The following IGF2BP3 variants were observed in gnomAD, a reference collection of about 807,000 sequenced individuals.
IGF2BP3 encodes insulin like growth factor 2 mRNA binding protein 3, also known as insulin-like growth factor 2 mRNA-binding protein 3.
In IGF2BP3, 9 loss-of-function variants were observed where a neutral mutation model predicts 73.8. The observed-to-expected ratio is 0.12, with a 90% CI of 0.07 to 0.21. The LOEUF (loss-of-function observed/expected upper bound fraction) is 0.21. IGF2BP3 is among the 10% of genes least tolerant of loss of function. The pLI is 1.00. For missense variants in IGF2BP3, 542 were observed against 714.0 expected, an observed-to-expected ratio of 0.76 and a Z score of 2.75; for synonymous variants, 258 against 256.7, an observed-to-expected ratio of 1.01 and a Z score of -0.05.
At chr7:23,345,226 T>C (rs989286918) in intron 8 of IGF2BP3, among the ~76,000 whole-genome samples, 14 of 152,240 alleles carry the variant, frequency 9.2e-5, no homozygotes, top group African/African-American at 2.7e-4. Flanking sequence ...CCTTTCCACG[T>C]AATTTCAGAG....
intron 5 of IGF2BP3, among the ~76,000 whole-genome samples, chr7:23,359,078 A>G (rs1785162759): frequency 6.6e-6 from 1 of 152,230 alleles, no homozygotes; most frequent in Non-Finnish European, 1.5e-5. Flanking sequence ...ACAATTCTTA[A>G]CAGCCTTTTC....
At chr7:23,466,302 C>G (rs1316098120) in intron 2 of IGF2BP3, among the ~76,000 whole-genome samples, 1 of 152,166 alleles carries the variant, frequency 6.6e-6, no homozygotes, top group South Asian at 2.1e-4. Context: ...GGATTACAGG[C>G]GTGAGCCACT....
intron 10 of IGF2BP3, among the ~76,000 whole-genome samples, chr7:23,337,803 G>A (rs1161481245): frequency 1.3e-5 from 2 of 152,190 alleles, no homozygotes; most frequent in South Asian, 2.1e-4. Context: ...CCCAGTAGCT[G>A]GGACTACAGG....
chr7:23,423,631 T>C (rs928598632), intron 2 of IGF2BP3, among the ~76,000 whole-genome samples: 8 of 152,100 alleles, frequency 5.3e-5, no homozygotes, highest in African/African-American at 9.7e-5. Flanking sequence ...AAGCATTCAA[T>C]TGATAGTTAA....
intron 2 of IGF2BP3, among the ~76,000 whole-genome samples, chr7:23,447,469 C>CA (rs1476273427): frequency 6.6e-6 from 1 of 151,532 alleles, no homozygotes; most frequent in Non-Finnish European, 1.5e-5. Flanking sequence ...ACTAAAAATA[C>CA]AAAAAAATTA....
intron 12 of IGF2BP3, among the ~76,000 whole-genome samples, chr7:23,317,143 T>C (rs1784013474): frequency 6.6e-6 from 1 of 152,166 alleles, no homozygotes; most frequent in Admixed American, 6.5e-5. Context: ...AAACGTGCAA[T>C]GGTTCATACC....
chr7:23,426,483 A>G (rs1419311643), intron 2 of IGF2BP3, among the ~76,000 whole-genome samples: 2 of 152,202 alleles, frequency 1.3e-5, no homozygotes, highest in Admixed American at 6.5e-5. Context: ...CAGTATTCAG[A>G]TAAGATCCAT....
At chr7:23,369,591 A>C (rs1487164559) in intron 3 of IGF2BP3, among the ~76,000 whole-genome samples, 4 of 151,864 alleles carry the variant, frequency 2.6e-5, no homozygotes, top group Non-Finnish European at 5.9e-5. Context: ...TACAGAATAA[A>C]CTGCAAGAAA....
rs1348980902 is a variant in IGF2BP3, at chr7:23,470,318, GAAAGA to G, written c.-213_-209del. The G allele has an allele frequency of 5.1e-6, 2 of 390,110 alleles. No homozygotes were observed. Among genetic ancestry groups the G allele is most frequent in the African/African-American group, 4.2e-5 (2 of 48,190 alleles). The allele number at this position is 390,110 out of a possible 1,614,324, so 24.2% of individuals were successfully genotyped here. A position where few individuals can be genotyped will look rare whatever the true frequency, so the allele number is the denominator to read the frequency against. On this transcript the variant is annotated 5_prime_UTR_variant, in exon 1 of 15. Transcript: ENST00000258729. ...CCTTGTCTAGATGTGTTTTAAAAGA[GAAAGA>G]AAAGAAAAAGCCTAGCTACAACCCA...
intron 2 of IGF2BP3, among the ~76,000 whole-genome samples, chr7:23,465,744 G>A (rs1276801846): frequency 6.6e-6 from 1 of 152,188 alleles, no homozygotes; most frequent in East Asian, 1.9e-4. Context: ...TGATGGGATG[G>A]AATGAAATGA....
chr7:23,407,468 G>A (rs1394395518), intron 3 of IGF2BP3, among the ~76,000 whole-genome samples: 1 of 151,986 alleles, frequency 6.6e-6, no homozygotes, highest in Non-Finnish European at 1.5e-5. Flanking sequence ...AATTAGCTGG[G>A]CATGGTGGCG....
At position 23,416,681 on chromosome 7, in the gene IGF2BP3, T is replaced by C. The variant is rs117664794; in HGVS notation, c.285+2095A>G. ...AATGCCTAATCTTCCATTATAAAAA[T>C]TGTCCAGAACTGCAAAATTATCGCT... is the stretch of plus-strand genomic sequence containing the variant. On this transcript the variant is annotated intron_variant, in intron 3 of 14. Coordinates refer to ENST00000258729, the MANE Select transcript of IGF2BP3 (RefSeq NM_006547.3). Among the ~76,000 whole-genome samples the C allele has an allele frequency of 6.6e-4, 100 of 152,298 alleles. No individual in the cohort carries two copies. In the East Asian group the frequency reaches 0.019, roughly 29 times the overall value.
chr7:23,415,252 C>T (rs1787152045), intron 3 of IGF2BP3: 1 of 244,408 alleles, frequency 4.1e-6, no homozygotes, highest in Admixed American at 6.4e-5. Flanking sequence ...CCCTACCCAT[C>T]AGTCGGCATC....
In IGF2BP3 at chr7:23,319,092, G is replaced by A. The variant is rs779674781; in HGVS notation, c.1320+46C>T. 3.4e-6 allele frequency: 4 copies of A among 1,167,984 alleles called. No homozygotes were observed. The Admixed American group carries it at 5.9e-5, about 17-fold the overall frequency. 72.4% of individuals were successfully genotyped at this position (1,167,984 alleles called of 1,614,324 possible). A position where few individuals can be genotyped will look rare whatever the true frequency, so the allele number is the denominator to read the frequency against. On this transcript the variant is annotated intron_variant, in intron 11 of 14. Coordinates refer to ENST00000258729, the MANE Select transcript of IGF2BP3 (RefSeq NM_006547.3). ...AAGTGGCAAGAAGATTCATATTTCT[G>A]TAACTTACTTAAAGAACCAGAGAAC...
At chr7:23,366,479 T>C (rs1456500539) in intron 3 of IGF2BP3, among the ~76,000 whole-genome samples, 1 of 151,468 alleles carries the variant, frequency 6.6e-6, no homozygotes, top group Non-Finnish European at 1.5e-5. Flanking sequence ...TACAATCCTG[T>C]GCACTTTTTT....
At chr7:23,456,219 G>GAAAA (rs34926256) in intron 2 of IGF2BP3, among the ~76,000 whole-genome samples, 1 of 146,034 alleles carries the variant, frequency 6.8e-6, no homozygotes, top group Non-Finnish European at 1.5e-5. Flanking sequence ...AAACCAGCTG[G>GAAAA]AAAAAAAAAA....
chr7:23,327,064 T>TAATAAATAAATA (rs370034312), intron 10 of IGF2BP3, among the ~76,000 whole-genome samples: 1 of 149,818 alleles, frequency 6.7e-6, no homozygotes, highest in African/African-American at 2.5e-5. Flanking sequence ...ACTTAAAGTA[T>TAATAAATAAATA]AATAAATAAA....
chr7:23,361,861 G>A, intron 3 of IGF2BP3, 120 bp from the exon 4 acceptor site: 1 of 773,050 alleles, frequency 1.3e-6, no homozygotes, highest in Non-Finnish European at 2.1e-6. Context: ...AATTATCTGG[G>A]GCTTTGGACT....
At chr7:23,465,179 C>T (rs141086938) in intron 2 of IGF2BP3, among the ~76,000 whole-genome samples, 1 of 152,340 alleles carries the variant, frequency 6.6e-6, no homozygotes, top group African/African-American at 2.4e-5. Context: ...CAACCAAACA[C>T]AGCTACAACA....
Sources: gnomAD v4.1 joint callset for allele counts (sites outside exome capture counted in the v4.1 genomes callset) on GRCh38, gnomAD v4.1.1 for gene constraint, MANE v1.5 for transcripts, NCBI Gene and HGNC (gene_info 2026-07-23, HGNC 2026-07-21) for gene names.